TMEM182: variants seen among roughly 807,000 people sequenced by gnomAD.
The protein encoded by TMEM182 is transmembrane protein 182.
In TMEM182, 20 loss-of-function variants were observed where a neutral mutation model predicts 26.8. That is an observed-to-expected ratio of 0.75 (90% confidence interval 0.53 to 1.09). TMEM182 has a LOEUF of 1.09. Among genes scored for constraint, TMEM182 ranks in the 50% least tolerant of loss-of-function variants. The pLI is 0.00. For missense variants in TMEM182, 277 were observed against 275.5 expected, an observed-to-expected ratio of 1.01 and a Z score of -0.04; for synonymous variants, 109 against 102.2, an observed-to-expected ratio of 1.07 and a Z score of -0.40.
intron 1 of TMEM182, 29 bp from the exon 2 acceptor site, chr2:102,762,558 G>A (rs773381180): frequency 1.3e-6 from 2 of 1,592,074 alleles, no homozygotes; most frequent in South Asian, 2.3e-5. Flanking sequence ...TTGTATTGAT[G>A]GCAAGTTACT....
rs141905968 is a variant in TMEM182 at position 102,746,460 on chromosome 2, T to C, written c.-83+9447T>C. Among the ~76,000 whole-genome samples, 47 of 152,356 alleles carry C rather than the reference T, an allele frequency of 3.1e-4. No homozygotes were observed. In the East Asian group the frequency reaches 7.5e-3, roughly 24 times the overall value. ...GATAATGTCCAGTTTATCTATATTTTGTTACTTATGCTTTTGCTGTGATAT... is the reference window on the plus strand; with the variant it reads ...GATAATGTCCAGTTTATCTATATTTCGTTACTTATGCTTTTGCTGTGATAT... On this transcript the variant is annotated intron_variant, in intron 1 of 5. Transcript: ENST00000409173.
chr2:102,805,935 TG>T (rs1682328404), intron 4 of TMEM182, among the ~76,000 whole-genome samples: 2 of 152,144 alleles, frequency 1.3e-5, no homozygotes, highest in South Asian at 4.1e-4. Context: ...ATACTGTCTC[TG>T]GTCTGGAATT....
intron 3 of TMEM182, chr2:102,775,372 A>G (rs1680867659): frequency 6.6e-6 from 1 of 152,222 alleles, no homozygotes; most frequent in African/African-American, 2.4e-5. Flanking sequence ...TAAATTAGGT[A>G]TTGACGGGAT....
At chr2:102,789,842 A>G (rs1681559352) in intron 3 of TMEM182, among the ~76,000 whole-genome samples, 2 of 152,032 alleles carry the variant, frequency 1.3e-5, no homozygotes, top group South Asian at 4.1e-4. Context: ...TCTTCCCCTC[A>G]TCCACCCGGT....
chr2:102,804,787 G>C (rs1039585514), intron 4 of TMEM182, among the ~76,000 whole-genome samples: 1 of 152,220 alleles, frequency 6.6e-6, no homozygotes, highest in East Asian at 1.9e-4. Context: ...TGATATGCCA[G>C]TCAGATGCAT....
At chr2:102,748,720 G>A (rs748758889) in intron 1 of TMEM182, among the ~76,000 whole-genome samples, 3 of 152,042 alleles carry the variant, frequency 2.0e-5, no homozygotes, top group Non-Finnish European at 2.9e-5. Context: ...TTTTCTTCTC[G>A]TCTTTTTCTC....
Position 102,762,753 on chromosome 2 carries a change from T to A in TMEM182, c.232+67T>A. ...TAAAAATGAACAGTTTCTTACATAG[T>A]ATATGTCACTTCTAGCGGACTGGAT... On this transcript the variant is annotated intron_variant, in intron 2 of 4. Coordinates refer to ENST00000412401, the MANE Select transcript of TMEM182 (RefSeq NM_144632.5). The A allele has an allele frequency of 1.7e-5, 22 of 1,311,816 alleles. No homozygotes were observed. The South Asian group carries it at 2.3e-4, about 14-fold the overall frequency. The allele number at this position is 1,311,816 out of a possible 1,614,324, so 81.3% of individuals were successfully genotyped here.
At chr2:102,789,065 G>A (rs531844020) in intron 3 of TMEM182, among the ~76,000 whole-genome samples, 4 of 152,298 alleles carry the variant, frequency 2.6e-5, no homozygotes, top group East Asian at 1.9e-4. Context: ...TGCCTAAAGC[G>A]AGGCAACATA....
At chr2:102,782,857 G>A (rs1323890733) in intron 3 of TMEM182, among the ~76,000 whole-genome samples, 1 of 151,930 alleles carries the variant, frequency 6.6e-6, no homozygotes, top group Non-Finnish European at 1.5e-5. Flanking sequence ...ACAAGTTTGG[G>A]GACATGGGGA....
chr2:102,745,443 C>T (rs935184694), intron 1 of TMEM182, among the ~76,000 whole-genome samples: 2 of 152,036 alleles, frequency 1.3e-5, no homozygotes, highest in African/African-American at 4.8e-5. Context: ...ATTCCTTTGT[C>T]TCTCAGACCC....
intron 1 of TMEM182, among the ~76,000 whole-genome samples, chr2:102,738,696 AATAAT>A (rs1250096826): frequency 1.2e-4 from 18 of 152,254 alleles, no homozygotes; most frequent in African/African-American, 3.6e-4. Flanking sequence ...AAAAAAAGGG[AATAAT>A]ATAACACTAA....
chr2:102,791,699 A>G (rs1159699623), intron 3 of TMEM182, among the ~76,000 whole-genome samples: 1 of 152,354 alleles, frequency 6.6e-6, no homozygotes, highest in East Asian at 1.9e-4. Flanking sequence ...ATTACATGTA[A>G]ATGTATTTCC....
At position 102,815,043 on chromosome 2, in the gene TMEM182, A is replaced by T; in HGVS notation, c.*75A>T. 6.4e-7 allele frequency: 1 copy of T among 1,556,740 alleles called. No individual in the cohort carries two copies. Among genetic ancestry groups the T allele is most frequent in the South Asian group, 1.2e-5 (1 of 82,884 alleles). On this transcript the variant is annotated 3_prime_UTR_variant, in exon 5 of 5. Coordinates refer to ENST00000412401, the MANE Select transcript of TMEM182 (RefSeq NM_144632.5). The stretch of plus-strand genomic sequence containing the variant: ...ACTTTTTTTCCATTTTGTTTCATTG[A>T]TCCCAGCATAAAGTTAGTAGATATA...
chr2:102,795,268 T>G (rs2250817), intron 3 of TMEM182, among the ~76,000 whole-genome samples: 82,259 of 151,902 alleles, frequency 0.54, 22,858 homozygotes, highest in African/African-American at 0.66. Flanking sequence ...TCATCTTTGG[T>G]TTGGCTGTCT....
chr2:102,816,884 C>A lies in TMEM182; in HGVS notation c.*1916C>A. On this transcript the variant is annotated 3_prime_UTR_variant, in exon 5 of 5. Transcript: ENST00000412401. ...TTAAGTTTCACATACAAGCTGCTTT[C>A]GGCAAAGGCTTGAATATTTATAAAT... 1.0e-6 allele frequency: 1 copy of A among 985,718 alleles called. No homozygotes were observed. Among genetic ancestry groups the A allele is most frequent in the Non-Finnish European group, 1.2e-6 (1 of 829,896 alleles). 61.1% of individuals were successfully genotyped at this position (985,718 alleles called of 1,614,324 possible).
chr2:102,787,099 G>A (rs777043892), intron 3 of TMEM182, among the ~76,000 whole-genome samples: 34 of 152,212 alleles, frequency 2.2e-4, no homozygotes, highest in Admixed American at 1.8e-3. Flanking sequence ...GATTCTACAC[G>A]TTCCTGCCTT....
At chr2:102,765,625 T>C (rs1014312912) in intron 3 of TMEM182, among the ~76,000 whole-genome samples, 6 of 152,220 alleles carry the variant, frequency 3.9e-5, no homozygotes, top group African/African-American at 1.4e-4. Flanking sequence ...TCCTGTTAAA[T>C]ATGTAATTCC....
chr2:102,774,775 G>A (rs182774873), intron 3 of TMEM182, among the ~76,000 whole-genome samples: 6 of 152,074 alleles, frequency 3.9e-5, no homozygotes, highest in Admixed American at 3.3e-4. Context: ...ACTTGTATGG[G>A]ACTAATTTTT....
At chr2:102,793,327 G>A (rs1406689353) in intron 3 of TMEM182, among the ~76,000 whole-genome samples, 1 of 152,180 alleles carries the variant, frequency 6.6e-6, no homozygotes, top group Non-Finnish European at 1.5e-5. Flanking sequence ...ACCTTTTTAG[G>A]AGGTAAATGG....
Sources: allele counts gnomAD v4.1 joint callset (sites outside exome capture counted in the v4.1 genomes callset), GRCh38; gene constraint gnomAD v4.1.1; transcripts MANE v1.5; gene names NCBI Gene and HGNC (gene_info 2026-07-23, HGNC 2026-07-21).